Variants in AUNIP observed in about 807,000 individuals in gnomAD.
The protein encoded by AUNIP is aurora kinase A and ninein interacting protein, also known as aurora kinase A- and ninein-interacting protein.
AUNIP carries 16 observed loss-of-function variants against 12.2 expected under a neutral mutation model. The observed-to-expected ratio is 1.31, with a 90% CI of 0.88 to 1.99. The LOEUF (loss-of-function observed/expected upper bound fraction) is 1.99, where lower values mean the gene tolerates loss of function less well. Ranked by LOEUF, AUNIP falls within the 30% of genes most tolerant of loss-of-function variation. The pLI is 0.00. For missense variants in AUNIP, 411 were observed against 419.1 expected (o/e 0.98, Z 0.17); for synonymous variants, 142 against 154.8 (o/e 0.92, Z 0.61).
downstream of AUNIP, chr1:25,833,988 A>G (rs2048276281): frequency 1.0e-6 from 1 of 966,738 alleles, no homozygotes; most frequent in East Asian, 1.1e-4. Context: ...TGGTTTAATT[A>G]CCAATTATCA....
chr1:25,835,829 C>G lies in AUNIP; in HGVS notation c.238G>C (p.Asp80His), dbSNP rs1382420959. 1 of 1,613,380 alleles carries G rather than the reference C, an allele frequency of 6.2e-7. No individual in the cohort carries two copies. Among genetic ancestry groups the G allele is most frequent in the African/African-American group, 1.3e-5 (1 of 75,028 alleles). The change falls in exon 3 of 3, where the codon GAC (aspartate) becomes CAC (histidine). Residue 80 changes from aspartate (D) to histidine (H), a missense_variant. Asp to His is a moderately conservative substitution (Grantham distance 81, BLOSUM62 -1). Coordinates refer to ENST00000374298, the MANE Select transcript of AUNIP (RefSeq NM_024037.3). ...TLQPGKTNGSDQKSVSSHTES... is the reference protein window; with the variant it reads ...TLQPGKTNGSHQKSVSSHTES... ...GTATGAGATGAAACACTCTTCTGGT[C>G]ACTGCCATTTGTCTTTCCTAATAAA...
chr1:25,843,594 GAAAAA>G (rs769525747), intron 1 of AUNIP, among the ~76,000 whole-genome samples: 4 of 31,890 alleles, frequency 1.3e-4, no homozygotes, highest in Admixed American at 1.1e-3. Flanking sequence ...CTGTCTGTTT[GAAAAA>G]AAAAAAAAAA....
chr1:25,833,163 A>G (rs2048268833), downstream of AUNIP, among the ~76,000 whole-genome samples: 1 of 151,860 alleles, frequency 6.6e-6, no homozygotes, highest in African/African-American at 2.4e-5. Flanking sequence ...GTCATGCCGG[A>G]GTGCAGTGGT....
intron 1 of AUNIP, among the ~76,000 whole-genome samples, chr1:25,858,627 C>A (rs1557458405): frequency 6.6e-6 from 1 of 152,192 alleles, no homozygotes; most frequent in African/African-American, 2.4e-5. Context: ...ATGTGATTTC[C>A]AGCTCCTTCT....
chr1:25,842,768 T>C (rs751851053), intron 1 of AUNIP, among the ~76,000 whole-genome samples: 2 of 152,218 alleles, frequency 1.3e-5, no homozygotes, highest in Non-Finnish European at 2.9e-5. Flanking sequence ...ACTCTGCCTG[T>C]GGTCTATAAA....
rs1407637330 is a variant in AUNIP, at chr1:25,837,664, C to T, written c.79-110G>A. ...TGAGAACCACACTAGATCCTCTGTA[C>T]TCCACTTATAGCCTATTCTCAAGGT... On this transcript the variant is annotated intron_variant, in intron 1 of 2. Coordinates refer to ENST00000374298, the MANE Select transcript of AUNIP (RefSeq NM_024037.3). 2.7e-6 allele frequency: 3 copies of T among 1,117,246 alleles called. No individual in the cohort carries two copies. The East Asian group carries it at 7.4e-5, about 27-fold the overall frequency. The allele number at this position is 1,117,246 out of a possible 1,614,324, so 69.2% of individuals were successfully genotyped here. A position where few individuals can be genotyped will look rare whatever the true frequency, so the allele number is the denominator to read the frequency against.
chr1:25,838,004 G>C (rs917062304), intron 1 of AUNIP, among the ~76,000 whole-genome samples: 2 of 151,900 alleles, frequency 1.3e-5, no homozygotes, highest in African/African-American at 2.4e-5. Context: ...ACTTTGGGAG[G>C]CTGAGGCGGG....
rs537841099 is a variant in AUNIP, at chr1:25,835,366, T to C, written c.701A>G (p.Lys234Arg). 1 of 1,614,234 alleles carries C rather than the reference T, an allele frequency of 6.2e-7. No homozygotes were observed. Among genetic ancestry groups the C allele is most frequent in the Middle Eastern group, 1.7e-4 (1 of 6,060 alleles). ...CTGCCTGTTTTCTTTGGCAGACACC[T>C]TTCTTTCCAATTTAGTCTTGCCTAA... is the stretch of plus-strand genomic sequence containing the variant. ...QPLGKTKLER[K>R]VSAKENRQAP... Residue 234 changes from lysine (K) to arginine (R), a missense_variant, in exon 3 of 3, where the codon AAG becomes AGG. Lys to Arg is a conservative substitution (Grantham distance 26). Transcript: ENST00000374298.
chr1:25,848,644 A>G (rs553877248), intron 1 of AUNIP, among the ~76,000 whole-genome samples: 3 of 152,270 alleles, frequency 2.0e-5, no homozygotes, highest in East Asian at 3.9e-4. Context: ...TGTGCTAACA[A>G]TGTGATTTAT....
chr1:25,834,204 C>T lies in AUNIP; in HGVS notation c.*789G>A. The T allele has an allele frequency of 1.0e-6, 1 of 985,350 alleles. No homozygotes were observed. The highest frequency in any genetic ancestry group is 1.2e-6 in the Non-Finnish European group (1 of 829,924). The allele number at this position is 985,350 out of a possible 1,614,324, so 61.0% of individuals were successfully genotyped here. On this transcript the variant is annotated 3_prime_UTR_variant, in exon 3 of 3. Coordinates refer to ENST00000374298, the MANE Select transcript of AUNIP (RefSeq NM_024037.3). ...AAAATAGGAAACTAGCACCATTCTACCTCTCTTCTCTCCACACCTGGGTTG... is the reference window on the plus strand; with the variant it reads ...AAAATAGGAAACTAGCACCATTCTATCTCTCTTCTCTCCACACCTGGGTTG...
intron 1 of AUNIP, among the ~76,000 whole-genome samples, chr1:25,851,726 C>CTCA (rs59112040): frequency 6.6e-6 from 1 of 151,630 alleles, no homozygotes; most frequent in African/African-American, 2.4e-5. Context: ...TTATAGTATT[C>CTCA]TAATTATTTT....
At chr1:25,833,235 C>G (rs532331950), downstream of AUNIP, among the ~76,000 whole-genome samples, 2 of 152,018 alleles carry the variant, frequency 1.3e-5, no homozygotes, top group Non-Finnish European at 2.9e-5. Context: ...CCACCTTAGC[C>G]TCCTGAGTAG....
chr1:25,832,398 A>T, downstream of AUNIP: 1 of 448,296 alleles, frequency 2.2e-6, no homozygotes, highest in Non-Finnish European at 3.8e-6. Context: ...CTTTGTGCCC[A>T]GCTGTCACTC....
chr1:25,835,373 C>G lies in AUNIP; in HGVS notation c.694G>C (p.Glu232Gln). The G allele has an allele frequency of 6.2e-7, 1 of 1,614,224 alleles. No homozygotes were observed. The change falls in exon 3 of 3, where the codon GAA becomes CAA. Residue 232 changes from glutamate (E) to glutamine (Q), a missense_variant. Transcript: ENST00000374298. ...TTTTCTTTGGCAGACACCTTTCTTT[C>G]CAATTTAGTCTTGCCTAAGGGCTGA... ...CCQPLGKTKL[E>Q]RKVSAKENRQ...
In AUNIP at chr1:25,835,131, G is replaced by A. The variant is rs769228262; in HGVS notation, c.936C>T (p.Asn312=). 3.7e-6 allele frequency: 6 copies of A among 1,614,106 alleles called. No individual in the cohort carries two copies. The African/African-American group carries it at 8.0e-5, about 22-fold the overall frequency. The part of the protein sequence containing the change: ...TRAPFQDVTN[N]WNWDLGPFPN... Reference sequence around the variant, plus strand: ...GAAACGGCCCTAAGTCCCAATTCCAGTTATTGGTTACATCTTGAAAAGGAG... The same window carrying A: ...GAAACGGCCCTAAGTCCCAATTCCAATTATTGGTTACATCTTGAAAAGGAG... Residue 312 remains asparagine, a synonymous_variant, in exon 3 of 3, where the codon AAC becomes AAT. Coordinates refer to ENST00000374298, the MANE Select transcript of AUNIP (RefSeq NM_024037.3).
rs189196967 is a variant in AUNIP at position 25,834,160 on chromosome 1, G to A, written c.*833C>T. 1.2e-4 allele frequency: 120 copies of A among 985,202 alleles called. 1 individual carries two copies. In the Middle Eastern group the frequency reaches 2.1e-3, roughly 17 times the overall value. 61.0% of individuals were successfully genotyped at this position (985,202 alleles called of 1,614,324 possible). ...ATAGAGTATATAACTTTAAAGTGCT[G>A]TACAGTTACCACAAAAATAAAATAG... On this transcript the variant is annotated 3_prime_UTR_variant, in exon 3 of 3. Transcript: ENST00000374298.
chr1:25,858,397 G>A (rs2048480144), intron 1 of AUNIP, among the ~76,000 whole-genome samples: 1 of 152,134 alleles, frequency 6.6e-6, no homozygotes, highest in African/African-American at 2.4e-5. Context: ...AGCAACCTGA[G>A]AGCAAGAATC....
At chr1:25,854,794 T>C (rs1252163772) in intron 1 of AUNIP, among the ~76,000 whole-genome samples, 1 of 152,116 alleles carries the variant, frequency 6.6e-6, no homozygotes, top group Non-Finnish European at 1.5e-5. Flanking sequence ...GATGACTCCC[T>C]CACTCACACA....
downstream of AUNIP, chr1:25,832,025 G>A: frequency 6.2e-7 from 1 of 1,614,144 alleles, no homozygotes; most frequent in Non-Finnish European, 8.5e-7. Context: ...AAAGGAAATT[G>A]ACAACCCTCA....
Sources: allele counts gnomAD v4.1 joint callset (sites outside exome capture counted in the v4.1 genomes callset), GRCh38; gene constraint gnomAD v4.1.1; transcripts MANE v1.5; gene names NCBI Gene and HGNC (gene_info 2026-07-23, HGNC 2026-07-21).